The following WDPCP variants were observed in gnomAD, a reference collection of about 807,000 sequenced individuals.
WDPCP encodes the protein WD repeat containing planar cell polarity effector, also known as WD repeat-containing and planar cell polarity effector protein fritz homolog.
Under a neutral mutation model 93.1 loss-of-function variants are expected in WDPCP, and 71 were observed. That is an observed-to-expected ratio of 0.76 (90% confidence interval 0.63 to 0.93). The LOEUF is 0.93. Ranked by LOEUF, WDPCP falls within the 40% of genes least tolerant of loss-of-function variation. WDPCP has a pLI of 0.00. For synonymous variants in WDPCP, 315 were observed against 315.0 expected (o/e 1.00, Z 0.00); for missense variants, 844 against 887.4 (o/e 0.95, Z 0.62).
chr2:63,321,726 C>T (rs912989092), intron 12 of WDPCP, among the ~76,000 whole-genome samples: 2 of 151,906 alleles, frequency 1.3e-5, no homozygotes, highest in African/African-American at 4.8e-5. Context: ...TATAATAATC[C>T]CTGCTTAGTT....
intron 3 of WDPCP, among the ~76,000 whole-genome samples, chr2:63,618,458 TTTTC>T (rs1180435839): frequency 6.6e-6 from 1 of 152,118 alleles, no homozygotes; most frequent in Admixed American, 6.5e-5. Context: ...GTGTTAAGCA[TTTTC>T]TTTTTCTTTC....
intron 3 of WDPCP, among the ~76,000 whole-genome samples, chr2:63,620,524 C>G (rs1052135351): frequency 6.6e-6 from 1 of 152,226 alleles, no homozygotes; most frequent in African/African-American, 2.4e-5. Flanking sequence ...CAGCCCCCGT[C>G]AGGGGCTTAC....
At chr2:63,162,953 C>T (rs1179718553) in intron 15 of WDPCP, among the ~76,000 whole-genome samples, 1 of 151,982 alleles carries the variant, frequency 6.6e-6, no homozygotes, top group Admixed American at 6.6e-5. Context: ...AATTTTGGTG[C>T]CTTAGATTTT....
intron 14 of WDPCP, among the ~76,000 whole-genome samples, chr2:63,188,356 A>G (rs191157540): frequency 1.4e-3 from 210 of 150,824 alleles, no homozygotes; most frequent in Middle Eastern, 6.8e-3. Flanking sequence ...ATTTATCTTC[A>G]TTTTTTTTCT....
intron 12 of WDPCP, among the ~76,000 whole-genome samples, chr2:63,335,276 C>T (rs1030996012): frequency 6.6e-6 from 1 of 152,122 alleles, no homozygotes; most frequent in African/African-American, 2.4e-5. Context: ...AAAGCATGGA[C>T]CACAATTTTT....
intron 1 of WDPCP, among the ~76,000 whole-genome samples, chr2:63,552,087 T>TCGCCCGGCC: frequency 6.9e-5 from 1 of 14,396 alleles, no homozygotes; most frequent in Admixed American, 7.4e-4. Flanking sequence ...CCACCACACT[T>TCGCCCGGCC]GGCCCTGCTT....
chr2:63,447,137 A>G (rs957790052), intron 6 of WDPCP, among the ~76,000 whole-genome samples: 2 of 152,152 alleles, frequency 1.3e-5, no homozygotes, highest in African/African-American at 2.4e-5. Flanking sequence ...AAAGTTACAG[A>G]CCTACACAAG....
intron 3 of WDPCP, among the ~76,000 whole-genome samples, chr2:63,631,012 G>A (rs1709859206): frequency 6.6e-6 from 1 of 152,054 alleles, no homozygotes; most frequent in Non-Finnish European, 1.5e-5. Context: ...AAAAATTGTG[G>A]GCTCACACCT....
intron 2 of WDPCP, among the ~76,000 whole-genome samples, chr2:63,724,390 T>C (rs1669468659): frequency 6.6e-6 from 1 of 152,160 alleles, no homozygotes; most frequent in East Asian, 1.9e-4. Context: ...ACTTACACTG[T>C]TGATCACATT....
chr2:63,145,279 T>C (rs911420162), intron 17 of WDPCP, among the ~76,000 whole-genome samples: 1 of 151,610 alleles, frequency 6.6e-6, no homozygotes, highest in African/African-American at 2.4e-5. Context: ...GCTGTAGTAA[T>C]ATAGAGAGGG....
chr2:63,792,299 G>A (rs1670556729), intron 2 of WDPCP, among the ~76,000 whole-genome samples: 1 of 152,176 alleles, frequency 6.6e-6, no homozygotes, highest in African/African-American at 2.4e-5. Context: ...CAGCAGGCGA[G>A]AGAGGGCATG....
At chr2:63,630,890 A>G (rs1485496728) in intron 3 of WDPCP, among the ~76,000 whole-genome samples, 1 of 152,244 alleles carries the variant, frequency 6.6e-6, no homozygotes, top group Non-Finnish European at 1.5e-5. Context: ...GAAATAATAC[A>G]GAGTATGTTC....
intron 2 of WDPCP, among the ~76,000 whole-genome samples, chr2:63,490,791 A>G (rs1700832486): frequency 6.6e-6 from 1 of 152,190 alleles, no homozygotes; most frequent in South Asian, 2.1e-4. Flanking sequence ...GACAAGGGGT[A>G]AAAGGGGATC....
chr2:63,749,608 T>C (rs1318769042), intron 2 of WDPCP, among the ~76,000 whole-genome samples: 2 of 152,136 alleles, frequency 1.3e-5, no homozygotes, highest in Non-Finnish European at 2.9e-5. Flanking sequence ...GTAGGCGTTT[T>C]AGCACCCAAC....
At chr2:63,803,709 A>T (rs1670725797) in intron 2 of WDPCP, among the ~76,000 whole-genome samples, 1 of 152,158 alleles carries the variant, frequency 6.6e-6, no homozygotes, top group African/African-American at 2.4e-5. Context: ...CTATTAACTT[A>T]CCTATTTATT....
intron 14 of WDPCP, among the ~76,000 whole-genome samples, chr2:63,201,120 A>G (rs1305415036): frequency 6.6e-6 from 1 of 152,122 alleles, no homozygotes; most frequent in Non-Finnish European, 1.5e-5. Flanking sequence ...ATAGAGAGTG[A>G]GTTCTCATGA....
chr2:63,727,055 C>G (rs1669505197), intron 2 of WDPCP, among the ~76,000 whole-genome samples: 1 of 152,122 alleles, frequency 6.6e-6, no homozygotes, highest in Non-Finnish European at 1.5e-5. Context: ...CCTGATTGCT[C>G]TAGCTAACAC....
intron 15 of WDPCP, among the ~76,000 whole-genome samples, chr2:63,173,121 A>G (rs1181229493): frequency 6.6e-6 from 1 of 152,022 alleles, no homozygotes; most frequent in Non-Finnish European, 1.5e-5. Context: ...ATAAAAAATT[A>G]GCAGGGCACA....
chr2:63,671,119 G>A (rs1324342842), intron 2 of WDPCP, among the ~76,000 whole-genome samples: 1 of 152,088 alleles, frequency 6.6e-6, no homozygotes, highest in Non-Finnish European at 1.5e-5. Context: ...GAGGGTAGCT[G>A]GGATCCTCTT....
Sources: allele counts gnomAD v4.1 joint callset (sites outside exome capture counted in the v4.1 genomes callset), GRCh38; gene constraint gnomAD v4.1.1; transcripts MANE v1.5; gene names NCBI Gene and HGNC (gene_info 2026-07-23, HGNC 2026-07-21).